The following TBC1D32 variants were observed in gnomAD, a reference collection of about 807,000 sequenced individuals.
TBC1D32 encodes the protein protein broad-minded.
A neutral mutation model predicts 170.3 loss-of-function variants in TBC1D32; 151 were observed. The observed-to-expected ratio is 0.89, with a 90% confidence interval of 0.78 to 1.01. The LOEUF is 1.01. TBC1D32 is among the 50% of genes least tolerant of loss of function. The probability of loss-of-function intolerance (pLI) is 0.00; values close to 1 mark genes in which losing one functional copy is unlikely to be tolerated. For synonymous variants in TBC1D32, 498 were observed against 488.0 expected, an observed-to-expected ratio of 1.02 and a Z score of -0.27; for missense variants, 1,464 against 1,457.1, an observed-to-expected ratio of 1.00 and a Z score of -0.08.
At chr6:121,254,644 AC>A (rs1798737792) in intron 17 of TBC1D32, among the ~76,000 whole-genome samples, 1 of 152,030 alleles carries the variant, frequency 6.6e-6, no homozygotes, top group Non-Finnish European at 1.5e-5. Flanking sequence ...GTTAAACTAT[AC>A]CTACCTTAAA....
chr6:121,140,166 C>G (rs982761638), intron 24 of TBC1D32, among the ~76,000 whole-genome samples: 2 of 151,750 alleles, frequency 1.3e-5, no homozygotes, highest in African/African-American at 4.8e-5. Context: ...ACATAGAACC[C>G]AATGATTCAA....
At chr6:121,265,604 A>G (rs1800366455) in intron 15 of TBC1D32, among the ~76,000 whole-genome samples, 1 of 150,940 alleles carries the variant, frequency 6.6e-6, no homozygotes, top group African/African-American at 2.4e-5. Flanking sequence ...AAAAAAAAAG[A>G]GCCCATATAG....
intron 1 of TBC1D32, 128 bp from the exon 2 acceptor site, chr6:121,321,922 C>A: frequency 1.1e-6 from 1 of 886,144 alleles, no homozygotes; most frequent in Non-Finnish European, 1.6e-6. Flanking sequence ...TCATTCATCA[C>A]AAATCATCAA....
chr6:121,168,212 G>C (rs1311692196), intron 22 of TBC1D32, among the ~76,000 whole-genome samples: 2 of 99,636 alleles, frequency 2.0e-5, no homozygotes, highest in East Asian at 3.2e-4. Flanking sequence ...CCATTACTGG[G>C]TATATACCCA....
intron 15 of TBC1D32, among the ~76,000 whole-genome samples, chr6:121,278,777 G>A (rs1416096091): frequency 6.6e-6 from 1 of 152,024 alleles, no homozygotes; most frequent in Non-Finnish European, 1.5e-5. Flanking sequence ...GTCTAGAAGT[G>A]TAAACACAAA....
intron 27 of TBC1D32, among the ~76,000 whole-genome samples, chr6:121,114,397 A>G (rs532884963): frequency 2.6e-5 from 4 of 152,336 alleles, no homozygotes; most frequent in Admixed American, 6.5e-5. Context: ...TAGCCTGCTT[A>G]TATTATCTAC....
At chr6:121,256,420 C>G in intron 15 of TBC1D32, 135 bp from the exon 16 acceptor site, 1 of 676,938 alleles carries the variant, frequency 1.5e-6, no homozygotes, top group Non-Finnish European at 2.5e-6. Flanking sequence ...TATTCACGTT[C>G]CCACCCATGC....
chr6:121,312,585 C>A (rs1808371732), intron 3 of TBC1D32, among the ~76,000 whole-genome samples: 1 of 152,150 alleles, frequency 6.6e-6, no homozygotes, highest in Non-Finnish European at 1.5e-5. Context: ...TTGCCAGTCA[C>A]AATCCATGGT....
chr6:121,239,349 T>C (rs1031554492), intron 19 of TBC1D32, among the ~76,000 whole-genome samples, 161 bp from the exon 20 acceptor site: 2 of 152,142 alleles, frequency 1.3e-5, no homozygotes, highest in Non-Finnish European at 2.9e-5. Flanking sequence ...AAATTATATC[T>C]GCTATTGTTA....
At chr6:121,230,770 T>G (rs963707969) in intron 20 of TBC1D32, among the ~76,000 whole-genome samples, 1 of 151,800 alleles carries the variant, frequency 6.6e-6, no homozygotes, top group African/African-American at 2.4e-5. Context: ...GGGGAACAGA[T>G]TGTATGGTGT....
intron 15 of TBC1D32, among the ~76,000 whole-genome samples, chr6:121,258,979 TA>T (rs201878489): frequency 0.034 from 4,991 of 144,706 alleles, 190 homozygotes; most frequent in East Asian, 0.12. Flanking sequence ...TCTTTAATAT[TA>T]AAAAAAAAAA....
intron 24 of TBC1D32, among the ~76,000 whole-genome samples, chr6:121,133,308 A>G (rs553190679): frequency 6.6e-6 from 1 of 152,120 alleles, no homozygotes; most frequent in African/African-American, 2.4e-5. Flanking sequence ...CCAGCATAAT[A>G]CAACTATTTA....
At chr6:121,221,590 G>C (rs1031952076) in intron 21 of TBC1D32, among the ~76,000 whole-genome samples, 1 of 152,210 alleles carries the variant, frequency 6.6e-6, no homozygotes, top group Admixed American at 6.5e-5. Context: ...ACAGGAGTTT[G>C]GAAGAAGCTG....
chr6:121,136,062 G>A (rs945996412), intron 24 of TBC1D32, among the ~76,000 whole-genome samples: 22 of 151,978 alleles, frequency 1.4e-4, no homozygotes, highest in African/African-American at 5.3e-4. Context: ...AAGAAAGAAT[G>A]TGACTCATAA....
intron 24 of TBC1D32, among the ~76,000 whole-genome samples, chr6:121,147,174 G>C (rs1430934433): frequency 6.6e-6 from 1 of 152,156 alleles, no homozygotes; most frequent in Non-Finnish European, 1.5e-5. Context: ...TGGCTGTGTA[G>C]TATTCCATGG....
intron 24 of TBC1D32, among the ~76,000 whole-genome samples, chr6:121,159,704 CA>C (rs1233724155): frequency 6.6e-6 from 1 of 152,066 alleles, no homozygotes; most frequent in Non-Finnish European, 1.5e-5. Context: ...GCAATTATAG[CA>C]CAATGGTATT....
Position 121,241,553 on chromosome 6 carries a change from C to G in TBC1D32, c.2158-1G>C. ...AGCCAAATTTTTTATGCCTGCTGAC[C>G]TAACAGCATAAATAAGGAACAGCAA... On this transcript the variant is annotated splice_acceptor_variant, in intron 18 of 31. Coordinates refer to ENST00000398212, the MANE Select transcript of TBC1D32 (RefSeq NM_152730.6). LOFTEE classifies it high-confidence loss of function. 2 of 1,612,494 alleles carry G rather than the reference C, an allele frequency of 1.2e-6. No homozygotes were observed. Among genetic ancestry groups the G allele is most frequent in the Non-Finnish European group, 1.7e-6 (2 of 1,178,984 alleles).
rs144881492 is a variant in TBC1D32 at position 121,275,307 on chromosome 6, GT to G, written c.1733+3813del. Among the ~76,000 whole-genome samples the G allele has an allele frequency of 8.9e-3, 1,351 of 152,322 alleles. 25 individuals are homozygous for G. The highest frequency in any genetic ancestry group is 0.031 in the African/African-American group (1,278 of 41,586). The stretch of plus-strand genomic sequence containing the variant: ...AAAACATCAAAAATAGCTGAAAGTA[GT>G]TGTCTCTAGAGAGCAAGAAAGGAAC... On this transcript the variant is annotated intron_variant, in intron 15 of 31. Coordinates refer to ENST00000398212, the MANE Select transcript of TBC1D32 (RefSeq NM_152730.6).
At chr6:121,114,786 T>G (rs1779525994) in intron 27 of TBC1D32, among the ~76,000 whole-genome samples, 1 of 152,192 alleles carries the variant, frequency 6.6e-6, no homozygotes, top group Non-Finnish European at 1.5e-5. Context: ...CTGCAATAAG[T>G]TTTTTAATTT....
Sources: gnomAD v4.1 joint callset for allele counts (sites outside exome capture counted in the v4.1 genomes callset) on GRCh38, gnomAD v4.1.1 for gene constraint, MANE v1.5 for transcripts, NCBI Gene and HGNC (gene_info 2026-07-23, HGNC 2026-07-21) for gene names.